The following PALLD variants were observed in gnomAD, a reference collection of about 807,000 sequenced individuals.
PALLD encodes palladin, cytoskeletal associated protein.
Under a neutral mutation model 123.5 loss-of-function variants are expected in PALLD, and 61 were observed. That is an observed-to-expected ratio of 0.49 (90% CI 0.40 to 0.61). The LOEUF (loss-of-function observed/expected upper bound fraction) is 0.61, where lower values mean the gene tolerates loss of function less well. PALLD is among the 20% of genes least tolerant of loss of function. The probability of loss-of-function intolerance (pLI) is 0.00; values close to 1 mark genes in which losing one functional copy is unlikely to be tolerated. For synonymous variants in PALLD, 465 were observed against 496.4 expected (o/e 0.94, Z 0.84); for missense variants, 1,273 against 1,377.0 (o/e 0.92, Z 1.20).
At chr4:168,768,687 T>G (rs1255852097) in intron 10 of PALLD, among the ~76,000 whole-genome samples, 1 of 152,252 alleles carries the variant, frequency 6.6e-6, no homozygotes, top group African/African-American at 2.4e-5. Flanking sequence ...TTCTTTTGTT[T>G]TTTTGAGATG....
intron 10 of PALLD, among the ~76,000 whole-genome samples, chr4:168,741,495 T>C (rs904317249): frequency 1.3e-5 from 2 of 151,868 alleles, no homozygotes; most frequent in African/African-American, 4.8e-5. Context: ...CTGAGCAGCA[T>C]AGCAAGACGT....
At chr4:168,710,233 CA>C (rs1447585034) in intron 9 of PALLD, among the ~76,000 whole-genome samples, 1 of 152,098 alleles carries the variant, frequency 6.6e-6, no homozygotes, top group Non-Finnish European at 1.5e-5. Flanking sequence ...TTTCTAAACT[CA>C]AAAACTTACC....
At chr4:168,759,193 AAAAAAAAAAATATATATATATATAT>A (rs1732383071) in intron 10 of PALLD, among the ~76,000 whole-genome samples, 1 of 32,470 alleles carries the variant, frequency 3.1e-5, no homozygotes, top group African/African-American at 1.5e-4. Flanking sequence ...AAAAAAAAAA[AAAAAAAAAAATATATATATATATAT>A]ATATATATAT....
At chr4:168,712,642 G>A (rs1039164527) in intron 10 of PALLD, among the ~76,000 whole-genome samples, 2 of 152,216 alleles carry the variant, frequency 1.3e-5, no homozygotes, top group African/African-American at 2.4e-5. Flanking sequence ...TTAGCTCAAA[G>A]GGTTCTACCA....
At chr4:168,513,023 T>C (rs571075515) in intron 2 of PALLD, among the ~76,000 whole-genome samples, 77 of 151,252 alleles carry the variant, frequency 5.1e-4, no homozygotes, top group African/African-American at 1.8e-3. Context: ...AATTTACCCA[T>C]GTAACAAACC....
chr4:168,758,774 C>T (rs530895389), intron 10 of PALLD, among the ~76,000 whole-genome samples: 9 of 152,092 alleles, frequency 5.9e-5, no homozygotes, highest in African/African-American at 1.9e-4. Flanking sequence ...CCACATCCCC[C>T]ACTTGTGCAT....
chr4:168,597,967 T>C (rs942410004), intron 2 of PALLD, among the ~76,000 whole-genome samples: 20 of 152,140 alleles, frequency 1.3e-4, no homozygotes, highest in African/African-American at 4.8e-4. Flanking sequence ...CATTTTCATG[T>C]ATTTATATGA....
intron 15 of PALLD, among the ~76,000 whole-genome samples, chr4:168,912,785 C>T (rs1759254472): frequency 6.6e-6 from 1 of 152,156 alleles, no homozygotes; most frequent in South Asian, 2.1e-4. Context: ...TATTGTTATC[C>T]TACAGTGCTG....
At chr4:168,798,054 A>T (rs898851595) in intron 10 of PALLD, among the ~76,000 whole-genome samples, 1 of 152,164 alleles carries the variant, frequency 6.6e-6, no homozygotes, top group African/African-American at 2.4e-5. Flanking sequence ...TTTTATGAAA[A>T]GTCTGCCCAG....
intron 2 of PALLD, among the ~76,000 whole-genome samples, chr4:168,591,090 G>C (rs1434052868): frequency 6.6e-6 from 1 of 152,058 alleles, no homozygotes; most frequent in Non-Finnish European, 1.5e-5. Context: ...TGTTGGCCAA[G>C]CTGGTCTTGA....
chr4:168,559,801 G>A (rs1357023166), intron 2 of PALLD, among the ~76,000 whole-genome samples: 5 of 151,856 alleles, frequency 3.3e-5, no homozygotes, highest in South Asian at 2.1e-4. Context: ...CTGTAGTACC[G>A]GCTACCCAGG....
intron 2 of PALLD, among the ~76,000 whole-genome samples, chr4:168,590,527 C>A (rs1437523649): frequency 6.6e-6 from 1 of 152,162 alleles, no homozygotes; most frequent in South Asian, 2.1e-4. Flanking sequence ...AATAATGGCA[C>A]AACAAGAATT....
rs201343910 is a variant in PALLD at position 168,511,569 on chromosome 4, A to G, written c.65A>G (p.Lys22Arg). 3.7e-6 allele frequency: 6 copies of G among 1,613,972 alleles called. No individual in the cohort carries two copies. The Admixed American group carries it at 1.0e-4, about 27-fold the overall frequency. The change falls in exon 2 of 22, where the codon AAG becomes AGG. Residue 22 changes from lysine (K) to arginine (R), a missense_variant. Lys to Arg is a conservative substitution (Grantham distance 26, BLOSUM62 2). Coordinates refer to ENST00000505667, the MANE Select transcript of PALLD (RefSeq NM_001166108.2). ...DSLSDMQEES[K>R]NTDFFPGLSA... The stretch of plus-strand genomic sequence containing the variant: ...CTCTCAGACATGCAGGAAGAAAGCA[A>G]GAATACTGACTTCTTCCCGGGCCTT...
In PALLD at chr4:168,916,001, G is replaced by C; in HGVS notation, c.2824G>C (p.Gly942Arg). 1 of 1,613,910 alleles carries C rather than the reference G, an allele frequency of 6.2e-7. No homozygotes were observed. The change falls in exon 17 of 22, where the codon GGA (glycine) becomes CGA (arginine). Residue 942 changes from glycine (G) to arginine (R), a missense_variant. Coordinates refer to ENST00000505667, the MANE Select transcript of PALLD (RefSeq NM_001166108.2). ...TCCTGGAGATCTGACTGTTCAAGAA[G>C]GAAAACTCTGCAGAATGGACTGCAA... ...QAPGDLTVQE[G>R]KLCRMDCKVS... is the part of the protein sequence containing the mutation.
chr4:168,750,006 G>A (rs1730835750), intron 10 of PALLD, among the ~76,000 whole-genome samples: 1 of 151,682 alleles, frequency 6.6e-6, no homozygotes, highest in Admixed American at 6.6e-5. Context: ...GAGTGCAGTG[G>A]CAATATCTCT....
chr4:168,914,934 AATACCT>A (rs1759796552), intron 16 of PALLD, among the ~76,000 whole-genome samples: 1 of 152,182 alleles, frequency 6.6e-6, no homozygotes, highest in Non-Finnish European at 1.5e-5. Flanking sequence ...TCATCATGGC[AATACCT>A]ATTCACAGGA....
chr4:168,822,399 G>A (rs148982657), intron 10 of PALLD, among the ~76,000 whole-genome samples: 9 of 152,280 alleles, frequency 5.9e-5, no homozygotes, highest in African/African-American at 2.2e-4. Context: ...TGCTGATGAG[G>A]TCAAATGATA....
At chr4:168,676,334 T>A (rs1256330195) in intron 3 of PALLD, among the ~76,000 whole-genome samples, 1 of 151,986 alleles carries the variant, frequency 6.6e-6, no homozygotes, top group Non-Finnish European at 1.5e-5. Flanking sequence ...AAATGATTCT[T>A]GCTGTATTGG....
At chr4:168,557,181 T>C (rs1767406349) in intron 2 of PALLD, among the ~76,000 whole-genome samples, 1 of 152,148 alleles carries the variant, frequency 6.6e-6, no homozygotes, top group Non-Finnish European at 1.5e-5. Context: ...GTAGCTGGGA[T>C]TACAGGTGTG....
Sources: gnomAD v4.1 joint callset for allele counts (sites outside exome capture counted in the v4.1 genomes callset) on GRCh38, gnomAD v4.1.1 for gene constraint, MANE v1.5 for transcripts, NCBI Gene and HGNC (gene_info 2026-07-23, HGNC 2026-07-21) for gene names.